Variants in DNAH8 observed in about 807,000 individuals in gnomAD.
The protein encoded by DNAH8 is axonemal beta dynein heavy chain 8.
In DNAH8, 382 loss-of-function variants were observed where a neutral mutation model predicts 562.1. The observed-to-expected ratio is 0.68, with a 90% CI of 0.63 to 0.74. The LOEUF is 0.74. Ranked by LOEUF, DNAH8 falls within the 30% of genes least tolerant of loss-of-function variation. The probability of loss-of-function intolerance (pLI) is 0.00; values close to 1 mark genes in which losing one functional copy is unlikely to be tolerated. For missense variants in DNAH8, 5,203 were observed against 5,620.4 expected (o/e 0.93, Z 2.37); for synonymous variants, 1,881 against 1,919.4 (o/e 0.98, Z 0.52).
intron 22 of DNAH8, among the ~76,000 whole-genome samples, chr6:38,804,759 A>AGAG (rs1771099446): frequency 1.8e-5 from 2 of 111,180 alleles, no homozygotes; most frequent in African/African-American, 6.2e-5. Flanking sequence ...ACATAGCAAG[A>AGAG]AGAGAGAGAG....
intron 79 of DNAH8, among the ~76,000 whole-genome samples, chr6:38,939,766 T>C (rs1783285135): frequency 6.6e-6 from 1 of 152,196 alleles, no homozygotes; most frequent in Non-Finnish European, 1.5e-5. Context: ...TTCAATCTTT[T>C]TCTTGTGTTT....
Position 38,926,190 on chromosome 6 carries a change from GA to G in DNAH8, c.11103del (p.Glu3702LysfsTer6). On this transcript the variant is annotated frameshift_variant, in exon 74 of 93. Coordinates refer to ENST00000327475, the MANE Select transcript of DNAH8 (RefSeq NM_001206927.2). LOFTEE classifies it high-confidence loss of function. ...AGGCAAAACTTGGATTAAATCAAAG[GA>G]AAAAGAAAATGATTTACAGGTATGT... is the stretch of plus-strand genomic sequence containing the variant. ...TQGKTWIKSK[E>X]KENDLQVTSL... 1 of 1,613,198 alleles carries G rather than the reference GA, an allele frequency of 6.2e-7. No individual in the cohort carries two copies. The highest frequency in any genetic ancestry group is 8.5e-7 in the Non-Finnish European group (1 of 1,179,594).
intron 31 of DNAH8, among the ~76,000 whole-genome samples, chr6:38,834,157 T>C (rs1774084689): frequency 6.6e-6 from 1 of 152,232 alleles, no homozygotes; most frequent in African/African-American, 2.4e-5. Flanking sequence ...GTTATTCTAA[T>C]GCACAAACAC....
chr6:38,941,839 T>A (rs1257888982), intron 79 of DNAH8, among the ~76,000 whole-genome samples: 3 of 152,154 alleles, frequency 2.0e-5, no homozygotes, highest in Admixed American at 1.3e-4. Flanking sequence ...AAGCCTCATA[T>A]CTATGCACCA....
intron 7 of DNAH8, 103 bp downstream of exon 7, chr6:38,738,075 CTT>C (rs1223263833): frequency 1.2e-4 from 149 of 1,225,512 alleles, no homozygotes; most frequent in Admixed American, 2.3e-4. Flanking sequence ...TCTCCTTTGA[CTT>C]TCTTCCAGAA....
intron 20 of DNAH8, among the ~76,000 whole-genome samples, chr6:38,790,825 A>G (rs1000199804): frequency 6.6e-6 from 1 of 151,902 alleles, no homozygotes; most frequent in Non-Finnish European, 1.5e-5. Flanking sequence ...TCCGTCTAAA[A>G]AAAAAAAAAA....
Position 38,951,304 on chromosome 6 carries a change from G to A in DNAH8, c.12249-14G>A. On this transcript the variant is annotated splice_polypyrimidine_tract_variant and intron_variant, in intron 81 of 92. Transcript: ENST00000327475. ...ACGTTTAGTTTATTTCGCCTAACTT[G>A]TATTCATTTTTAGGTCTTGGTGCCC... is the stretch of plus-strand genomic sequence containing the variant. The A allele has an allele frequency of 1.9e-6, 3 of 1,611,744 alleles. No individual in the cohort carries two copies. Among genetic ancestry groups the A allele is most frequent in the Non-Finnish European group, 1.7e-6 (2 of 1,178,068 alleles).
intron 74 of DNAH8, among the ~76,000 whole-genome samples, chr6:38,928,615 C>A (rs1782293947): frequency 6.6e-6 from 1 of 152,114 alleles, no homozygotes; most frequent in South Asian, 2.1e-4. Context: ...TTCATATCTT[C>A]TTTTTATCAT....
chr6:38,932,057 T>A, intron 76 of DNAH8, 64 bp downstream of exon 76: 35 of 1,275,250 alleles, frequency 2.7e-5, no homozygotes, highest in Non-Finnish European at 3.4e-5. Context: ...TATTGAGAAA[T>A]TGCTAAGTAT....
chr6:38,833,644 C>T (rs1433331983), intron 31 of DNAH8, among the ~76,000 whole-genome samples: 1 of 152,108 alleles, frequency 6.6e-6, no homozygotes, highest in Non-Finnish European at 1.5e-5. Context: ...CAGAATAGAC[C>T]AAAGAAGACA....
intron 21 of DNAH8, among the ~76,000 whole-genome samples, chr6:38,795,521 A>C (rs920032447): frequency 6.6e-6 from 1 of 151,756 alleles, no homozygotes; most frequent in Non-Finnish European, 1.5e-5. Flanking sequence ...CGGAGCTTGC[A>C]GTGAGCTGAG....
chr6:38,931,886 G>A lies in DNAH8; in HGVS notation c.11350G>A (p.Ala3784Thr), dbSNP rs1256381051. 1 of 1,611,192 alleles carries A rather than the reference G, an allele frequency of 6.2e-7. No homozygotes were observed. The highest frequency in any genetic ancestry group is 1.3e-5 in the African/African-American group (1 of 74,840). ...CATTACTACGAAGTTACCAAATCCT[G>A]CCTTTACCCCAGAGATTAATGCTAA... Reference protein sequence around the residue: ...LYITTKLPNPAFTPEINAKTS... With the variant: ...LYITTKLPNPTFTPEINAKTS... The change falls in exon 76 of 93, where the codon GCC becomes ACC. Residue 3784 changes from alanine to threonine, a missense_variant. Physicochemically the swap from Ala to Thr is moderately conservative, Grantham distance 58. Transcript: ENST00000327475.
chr6:38,866,839 T>A lies in DNAH8; in HGVS notation c.6656T>A (p.Val2219Asp), dbSNP rs571866276. 7 of 1,613,054 alleles carry A rather than the reference T, an allele frequency of 4.3e-6. No individual in the cohort carries two copies. The South Asian group carries it at 4.4e-5, about 10-fold the overall frequency. ...GTTATCTTGGCTCAAAAATTTTACGTTCTTTACAAACTCTGTGAAGAGCAA... is the reference window on the plus strand; with the variant it reads ...GTTATCTTGGCTCAAAAATTTTACGATCTTTACAAACTCTGTGAAGAGCAA... ...ENVILAQKFYVLYKLCEEQLT... is the reference protein window; with the variant it reads ...ENVILAQKFYDLYKLCEEQLT... The change falls in exon 47 of 93, where the codon GTT becomes GAT. Residue 2219 changes from valine (V) to aspartate (D), a missense_variant. By Grantham distance (152) the Val-to-Asp change is radical. Around this residue, in one of 6 missense-constraint regions of DNAH8, gnomAD observed 2,176 missense variants for 2,365.1 expected, o/e 0.92. Transcript: ENST00000327475.
chr6:38,932,880 G>C (rs1782664138), intron 76 of DNAH8: 1 of 152,276 alleles, frequency 6.6e-6, no homozygotes, highest in African/African-American at 2.4e-5. Flanking sequence ...ATCCTACCTG[G>C]CTCATAGACA....
At chr6:38,919,826 T>C (rs1297125829) in intron 70 of DNAH8, among the ~76,000 whole-genome samples, 1 of 152,114 alleles carries the variant, frequency 6.6e-6, no homozygotes, top group Non-Finnish European at 1.5e-5. Flanking sequence ...TTCTTAGCCC[T>C]TACATACATC....
Position 38,767,163 on chromosome 6 carries a change from G to A in DNAH8, c.1618-3250G>A, listed in dbSNP as rs140786836. On this transcript the variant is annotated intron_variant, in intron 11 of 92. Coordinates refer to ENST00000327475, the MANE Select transcript of DNAH8 (RefSeq NM_001206927.2). ...ATAATTCCCCAAACTCAGGCCAGAC[G>A]CGGTGGCTCACGCCTGTAATCCCAG... Among the ~76,000 whole-genome samples the A allele has an allele frequency of 4.3e-3, 662 of 152,208 alleles. 3 individuals carry two copies. The highest frequency in any genetic ancestry group is 0.023 in the East Asian group (120 of 5,182).
Position 38,860,564 on chromosome 6 carries a change from T to C in DNAH8, c.6066T>C (p.Asp2022=). 2 of 1,540,690 alleles carry C rather than the reference T, an allele frequency of 1.3e-6. No individual in the cohort carries two copies. Residue 2022 remains aspartate (D), a synonymous_variant, in exon 43 of 93, where the codon GAT becomes GAC. Coordinates refer to ENST00000327475, the MANE Select transcript of DNAH8 (RefSeq NM_001206927.2). The stretch of plus-strand genomic sequence containing the variant: ...CTGTGGTGTCTATTACAGATGTTGA[T>C]TTTATTTACCAAAATGAATTTCTGG... ...DQTVVSITDV[D]FIYQNEFLGC... is the part of the protein sequence containing the mutation.
At chr6:39,007,819 T>C (rs1765891836) in intron 88 of DNAH8, among the ~76,000 whole-genome samples, 1 of 150,838 alleles carries the variant, frequency 6.6e-6, no homozygotes, top group African/African-American at 2.4e-5. Flanking sequence ...GTGGCTGACC[T>C]GTTCATCCTT....
chr6:38,829,027 T>C (rs1773605300), intron 30 of DNAH8, among the ~76,000 whole-genome samples: 1 of 152,196 alleles, frequency 6.6e-6, no homozygotes, highest in Admixed American at 6.5e-5. Context: ...TAACATAATT[T>C]TTCAAAGTTC....
Sources: gnomAD v4.1 joint callset for allele counts (sites outside exome capture counted in the v4.1 genomes callset) on GRCh38, gnomAD v4.1.1 for gene constraint, gnomAD v4.1.1 regional missense constraint, MANE v1.5 for transcripts, NCBI Gene and HGNC (gene_info 2026-07-23, HGNC 2026-07-21) for gene names.